The following R3HDM1 variants were observed in gnomAD, a reference collection of about 807,000 sequenced individuals.
R3HDM1 encodes R3H domain containing 1, also known as R3H domain-containing protein 1.
Under a neutral mutation model 141.1 loss-of-function variants are expected in R3HDM1, and 46 were observed. That is an observed-to-expected ratio of 0.33 (90% CI 0.26 to 0.42). The LOEUF (loss-of-function observed/expected upper bound fraction) is 0.42. Among genes scored for constraint, R3HDM1 ranks in the 10% least tolerant of loss-of-function variants. The pLI is 1.00. For missense variants in R3HDM1, 1,184 were observed against 1,368.3 expected (o/e 0.87, Z 2.12); for synonymous variants, 435 against 472.9 (o/e 0.92, Z 1.04).
chr2:135,632,150 T>G, intron 9 of R3HDM1, 149 bp downstream of exon 9: 1 of 673,850 alleles, frequency 1.5e-6, no homozygotes, highest in Non-Finnish European at 2.2e-6. Flanking sequence ...GAAAAACACA[T>G]TTAGTTTACT....
chr2:135,722,855 T>A (rs1187169218), intron 26 of R3HDM1, among the ~76,000 whole-genome samples: 1 of 152,150 alleles, frequency 6.6e-6, no homozygotes, highest in East Asian at 1.9e-4. Context: ...GGTTTGTCCT[T>A]ACATCCATGT....
At chr2:135,539,344 G>T (rs1000955742) in intron 1 of R3HDM1, among the ~76,000 whole-genome samples, 1 of 152,184 alleles carries the variant, frequency 6.6e-6, no homozygotes, top group African/African-American at 2.4e-5. Flanking sequence ...AGTGCAGTAG[G>T]TTTACACCAG....
At chr2:135,651,400 C>T in intron 17 of R3HDM1, 1 of 982,058 alleles carries the variant, frequency 1.0e-6, no homozygotes, top group Non-Finnish European at 1.2e-6. Context: ...ATGAACTTGG[C>T]CAATTTCACT....
chr2:135,600,530 T>G (rs187086932), intron 1 of R3HDM1, among the ~76,000 whole-genome samples: 1 of 152,306 alleles, frequency 6.6e-6, no homozygotes, highest in Non-Finnish European at 1.5e-5. Context: ...AAGCTAGATA[T>G]TCTTTTTTCC....
At chr2:135,656,206 A>G (rs1200779640) in intron 18 of R3HDM1, among the ~76,000 whole-genome samples, 1 of 152,048 alleles carries the variant, frequency 6.6e-6, no homozygotes, top group East Asian at 1.9e-4. Context: ...TTATAGTGTC[A>G]TTCTTTTGAG....
chr2:135,676,218 G>A (rs1039213661), intron 20 of R3HDM1, among the ~76,000 whole-genome samples: 11 of 152,038 alleles, frequency 7.2e-5, no homozygotes, highest in East Asian at 3.9e-4. Flanking sequence ...CCAGCTACTC[G>A]GGAAGCTGAG....
At chr2:135,639,181 A>G in intron 14 of R3HDM1, 59 bp downstream of exon 14, 2 of 1,511,472 alleles carry the variant, frequency 1.3e-6, no homozygotes, top group South Asian at 2.3e-5. Context: ...ATGTTGTCTC[A>G]GGTCCTTATT....
At chr2:135,633,198 A>G (rs761807622) in intron 9 of R3HDM1, among the ~76,000 whole-genome samples, 3 of 152,134 alleles carry the variant, frequency 2.0e-5, no homozygotes, top group Non-Finnish European at 4.4e-5. Context: ...TTCGTCTTTA[A>G]TATTCTTTTC....
chr2:135,584,432 C>G, intron 1 of R3HDM1: 1 of 919,344 alleles, frequency 1.1e-6, no homozygotes, highest in Non-Finnish European at 1.3e-6. Flanking sequence ...TCCACAACAT[C>G]ATTAGAAACC....
At position 135,649,908 on chromosome 2, in the gene R3HDM1, C is replaced by T. The variant is rs1237797444; in HGVS notation, c.1630C>T (p.His544Tyr). 3 of 1,258,900 alleles carry T rather than the reference C, an allele frequency of 2.4e-6. No homozygotes were observed. In the Admixed American group the frequency reaches 7.7e-5, roughly 32 times the overall value. The allele number at this position is 1,258,900 out of a possible 1,614,324, so 78.0% of individuals were successfully genotyped here. Residue 544 changes from histidine to tyrosine, a missense_variant, in exon 17 of 27, where the codon CAT (histidine) becomes TAT (tyrosine). His to Tyr is a moderately conservative substitution (Grantham distance 83). Coordinates refer to ENST00000683871, the MANE Select transcript of R3HDM1 (RefSeq NM_001378107.1). ...AANHIFSQPV[H>Y]PLQSSSQPVQ... is the part of the protein sequence containing the mutation. ...CCAACCTGTTATTCTTTAGCCTGTT[C>T]ATCCTCTGCAGTCCTCTTCACAGCC...
intron 18 of R3HDM1, among the ~76,000 whole-genome samples, chr2:135,653,921 C>T (rs984977064): frequency 2.6e-5 from 4 of 152,176 alleles, no homozygotes; most frequent in African/African-American, 9.6e-5. Context: ...GTTTTTTGTT[C>T]AGGGTTCTTT....
At chr2:135,673,386 T>C (rs911448811) in intron 19 of R3HDM1, among the ~76,000 whole-genome samples, 1 of 152,234 alleles carries the variant, frequency 6.6e-6, no homozygotes, top group Non-Finnish European at 1.5e-5. Flanking sequence ...AGGTCTCATG[T>C]TCACATTTCA....
chr2:135,660,778 A>G (rs6720287), intron 18 of R3HDM1, among the ~76,000 whole-genome samples: 73,855 of 150,666 alleles, frequency 0.49, 22,803 homozygotes, highest in East Asian at 0.88. Flanking sequence ...CCTGGGAGGC[A>G]GAGGTTGCAG....
intron 5 of R3HDM1, among the ~76,000 whole-genome samples, chr2:135,620,950 G>A (rs758135186): frequency 6.6e-6 from 1 of 152,020 alleles, no homozygotes; most frequent in African/African-American, 2.4e-5. Context: ...GATTGACAGT[G>A]ATATATAAAT....
At chr2:135,698,043 ACT>A (rs1407033534) in intron 21 of R3HDM1, among the ~76,000 whole-genome samples, 1 of 137,326 alleles carries the variant, frequency 7.3e-6, no homozygotes, top group African/African-American at 2.7e-5. Context: ...ACAGAGCAAA[ACT>A]CTGTCTCAAA....
chr2:135,658,347 T>C (rs1350961606), intron 18 of R3HDM1, among the ~76,000 whole-genome samples: 1 of 152,144 alleles, frequency 6.6e-6, no homozygotes, highest in Non-Finnish European at 1.5e-5. Context: ...TTTGTATCTT[T>C]AGTAGAGACA....
chr2:135,635,966 G>C lies in R3HDM1; in HGVS notation c.775G>C (p.Asp259His). The change falls in exon 10 of 27, where the codon GAT becomes CAT. Residue 259 changes from aspartate (D) to histidine (H), a missense_variant. Transcript: ENST00000683871. The stretch of plus-strand genomic sequence containing the variant: ...TCAGAAACGTTATATCCTCAAGAGA[G>C]ATAACTCTAGCTTTGACAAAGATGA... ...DFQKRYILKR[D>H]NSSFDKDDNQ... 1 of 1,612,024 alleles carries C rather than the reference G, an allele frequency of 6.2e-7. No homozygotes were observed. The highest frequency in any genetic ancestry group is 8.5e-7 in the Non-Finnish European group (1 of 1,179,246).
At chr2:135,652,227 T>C (rs373730719) in intron 18 of R3HDM1, among the ~76,000 whole-genome samples, 195 bp downstream of exon 18, 1 of 152,104 alleles carries the variant, frequency 6.6e-6, no homozygotes, top group Non-Finnish European at 1.5e-5. Context: ...AATGCTCCAG[T>C]TGGTTGGTAA....
In R3HDM1 at chr2:135,645,459, C is replaced by T. The variant is rs2064291536; in HGVS notation, c.1555C>T (p.Pro519Ser). 1.2e-6 allele frequency: 2 copies of T among 1,613,740 alleles called. No homozygotes were observed. The highest frequency in any genetic ancestry group is 3.3e-5 in the Admixed American group (2 of 59,994). The change falls in exon 16 of 27, where the codon CCT becomes TCT. Residue 519 changes from proline to serine, a missense_variant. Transcript: ENST00000683871. ...TCAACAACCAGTTAGATCCCAAGTG[C>T]CTGGACCTCCACAGCCACCTCTGCC... ...MTQQPVRSQV[P>S]GPPQPPLPAP...
Sources: gnomAD v4.1 joint callset for allele counts (sites outside exome capture counted in the v4.1 genomes callset) on GRCh38, gnomAD v4.1.1 for gene constraint, MANE v1.5 for transcripts, NCBI Gene and HGNC (gene_info 2026-07-23, HGNC 2026-07-21) for gene names.